The following SCLT1 variants were observed in gnomAD, a reference collection of about 807,000 sequenced individuals.
The protein encoded by SCLT1 is sodium channel-associated protein 1.
A neutral mutation model predicts 112.8 loss-of-function variants in SCLT1; 78 were observed. That is an observed-to-expected ratio of 0.69 (90% CI 0.58 to 0.83). SCLT1 has a LOEUF of 0.83. SCLT1 is among the 40% of genes least tolerant of loss of function. The pLI, the probability that SCLT1 is intolerant of heterozygous loss-of-function variation, is 0.00. For synonymous variants in SCLT1, 257 were observed against 254.7 expected (o/e 1.01, Z -0.09); for missense variants, 747 against 770.4 (o/e 0.97, Z 0.36).
At chr4:129,005,189 A>G (rs1366878703) in intron 5 of SCLT1, among the ~76,000 whole-genome samples, 1 of 152,184 alleles carries the variant, frequency 6.6e-6, no homozygotes, top group Non-Finnish European at 1.5e-5. Flanking sequence ...CACATTCTAA[A>G]AAGTTTTCTG....
intron 9 of SCLT1, among the ~76,000 whole-genome samples, chr4:128,988,673 T>TA (rs898112706): frequency 2.0e-5 from 3 of 151,262 alleles, no homozygotes; most frequent in African/African-American, 7.3e-5. Context: ...AATTCTCCAA[T>TA]AAAAAAAAGA....
chr4:129,075,702 C>A (rs937440704), intron 2 of SCLT1, among the ~76,000 whole-genome samples: 2 of 152,104 alleles, frequency 1.3e-5, no homozygotes, highest in Non-Finnish European at 2.9e-5. Flanking sequence ...TATAACATTT[C>A]TATCATCAGA....
intron 5 of SCLT1, chr4:128,873,292 GAAA>G (rs1198041271): frequency 1.7e-5 from 2 of 117,188 alleles, no homozygotes; most frequent in African/African-American, 3.4e-5. Flanking sequence ...AAAAAAAAAA[GAAA>G]AAAGAAAAAA....
chr4:128,916,716 A>G (rs1735503537), intron 18 of SCLT1, among the ~76,000 whole-genome samples: 1 of 152,212 alleles, frequency 6.6e-6, no homozygotes, highest in South Asian at 2.1e-4. Flanking sequence ...AAAACAAATC[A>G]AAGTTAGGCA....
chr4:129,004,487 T>C (rs1029593505), intron 5 of SCLT1, among the ~76,000 whole-genome samples: 24 of 152,120 alleles, frequency 1.6e-4, no homozygotes, highest in African/African-American at 5.8e-4. Flanking sequence ...TTACAGATAT[T>C]TCATGCCTTA....
chr4:128,902,102 A>G (rs1282687405), intron 18 of SCLT1, among the ~76,000 whole-genome samples: 2 of 151,970 alleles, frequency 1.3e-5, no homozygotes, highest in Admixed American at 6.6e-5. Context: ...ATGATGTCTC[A>G]TTATGTTGTC....
At chr4:129,081,908 T>C (rs1377059717) in intron 2 of SCLT1, among the ~76,000 whole-genome samples, 1 of 152,136 alleles carries the variant, frequency 6.6e-6, no homozygotes, top group Admixed American at 6.5e-5. Context: ...TTAAACACAA[T>C]ATTTAAATAA....
rs111249963 is a variant in SCLT1 at position 129,021,128 on chromosome 4, G to A, written c.291-17252C>T. ...ATGAACAGAAGTAGGGTGGGGTGTC[G>A]CTTTACCCAGGAAGTGCAAGGAGTC... is the stretch of plus-strand genomic sequence containing the variant. On this transcript the variant is annotated intron_variant, in intron 5 of 20. Transcript: ENST00000281142. 4.7e-3 allele frequency among the ~76,000 whole-genome samples: 716 copies of A among 152,194 alleles called. 4 individuals are homozygous for A. Among genetic ancestry groups the A allele is most frequent in the African/African-American group, 0.016 (655 of 41,518 alleles).
intron 2 of SCLT1, among the ~76,000 whole-genome samples, chr4:129,078,777 G>A (rs1751681128): frequency 1.3e-5 from 2 of 152,104 alleles, no homozygotes; most frequent in South Asian, 4.1e-4. Context: ...AATAATTTTA[G>A]TTCTGCATTA....
chr4:129,017,195 G>A (rs1055624090), intron 5 of SCLT1, among the ~76,000 whole-genome samples: 1 of 149,988 alleles, frequency 6.7e-6, no homozygotes, highest in African/African-American at 2.5e-5. Flanking sequence ...GTTTTTTTGT[G>A]GGGGGGGAAT....
chr4:128,877,089 G>A (rs563729381), intron 3 of SCLT1, among the ~76,000 whole-genome samples: 1 of 152,324 alleles, frequency 6.6e-6, no homozygotes, highest in South Asian at 2.1e-4. Flanking sequence ...TCTCCATAGT[G>A]ATGACTTCTG....
At chr4:129,037,780 T>C (rs1747312639) in intron 5 of SCLT1, 1 of 152,198 alleles carries the variant, frequency 6.6e-6, no homozygotes, top group African/African-American at 2.4e-5. Flanking sequence ...ATATGCACTT[T>C]GGCAATTTAA....
chr4:129,041,749 T>C (rs1447384324), intron 4 of SCLT1: 1 of 152,186 alleles, frequency 6.6e-6, no homozygotes, highest in African/African-American at 2.4e-5. Flanking sequence ...ATATATTTTA[T>C]TTATTTATTT....
intron 2 of SCLT1, among the ~76,000 whole-genome samples, chr4:129,049,627 A>T (rs1050602749): frequency 2.1e-3 from 152 of 71,662 alleles, no homozygotes; most frequent in African/African-American, 5.7e-3. Flanking sequence ...CTTAAAGTAT[A>T]AAAAAAAAAA....
intron 18 of SCLT1, among the ~76,000 whole-genome samples, chr4:128,891,759 C>T (rs1280505357): frequency 6.6e-6 from 1 of 151,354 alleles, no homozygotes; most frequent in Non-Finnish European, 1.5e-5. Flanking sequence ...ATTCTCATGC[C>T]TCAACCTCCC....
chr4:129,089,865 G>A (rs1752685348), intron 1 of SCLT1, among the ~76,000 whole-genome samples: 1 of 138,104 alleles, frequency 7.2e-6, no homozygotes, highest in Non-Finnish European at 1.7e-5. Flanking sequence ...GCCTGTTGGG[G>A]AGTGGGGGAC....
chr4:128,934,328 A>C (rs981110917), intron 18 of SCLT1, among the ~76,000 whole-genome samples: 1 of 151,846 alleles, frequency 6.6e-6, no homozygotes, highest in African/African-American at 2.4e-5. Context: ...ACTCTTAGAT[A>C]ATAAGTAGAA....
At chr4:129,067,623 G>A (rs1266793075) in intron 2 of SCLT1, among the ~76,000 whole-genome samples, 6 of 151,960 alleles carry the variant, frequency 3.9e-5, no homozygotes, top group Admixed American at 3.9e-4. Context: ...TGATTCTCCT[G>A]ACTCAGCCTC....
At chr4:128,982,065 T>TG (rs1741705524) in intron 9 of SCLT1, among the ~76,000 whole-genome samples, 1 of 152,208 alleles carries the variant, frequency 6.6e-6, no homozygotes, top group Non-Finnish European at 1.5e-5. Context: ...AAGGTAGAGT[T>TG]GGGACAGAAA....
Sources: allele counts gnomAD v4.1 joint callset (sites outside exome capture counted in the v4.1 genomes callset), GRCh38; gene constraint gnomAD v4.1.1; transcripts MANE v1.5; gene names NCBI Gene and HGNC (gene_info 2026-07-23, HGNC 2026-07-21).